DLC1: variants seen among roughly 807,000 people sequenced by gnomAD.
The protein encoded by DLC1 is rho GTPase-activating protein 7.
A neutral mutation model predicts 140.3 loss-of-function variants in DLC1; 54 were observed. That is an observed-to-expected ratio of 0.38 (90% CI 0.31 to 0.48). The LOEUF is 0.48. Ranked by LOEUF, DLC1 falls within the 20% of genes least tolerant of loss-of-function variation. The probability of loss-of-function intolerance (pLI) is 0.96; values close to 1 mark genes in which losing one functional copy is unlikely to be tolerated. For synonymous variants in DLC1, 986 were observed against 728.1 expected (o/e 1.35, Z -5.70); for missense variants, 2,536 against 1,907.0 (o/e 1.33, Z -6.14).
intron 2 of DLC1, among the ~76,000 whole-genome samples, chr8:13,467,632 G>C (rs1800001234): frequency 6.6e-6 from 1 of 152,074 alleles, no homozygotes; most frequent in Non-Finnish European, 1.5e-5. Context: ...TTGGGAGGTT[G>C]AGGTGAGAGG....
intron 5 of DLC1, among the ~76,000 whole-genome samples, chr8:13,163,116 G>A (rs185434988): frequency 2.0e-5 from 3 of 152,248 alleles, no homozygotes; most frequent in Admixed American, 6.5e-5. Context: ...CAGCTTGGTG[G>A]CCCACGATTT....
rs1817781490 is a variant in DLC1 at position 13,088,700 on chromosome 8, C to T, written c.4079G>A (p.Ser1360Asn). Reference protein sequence around the residue: ...EQAELSYKKVSEGPPLRLWRS... With the variant: ...EQAELSYKKVNEGPPLRLWRS... Reference sequence around the variant, plus strand: ...CCAAAGCCTCAGAGGGGGTCCTTCGCTCACCTGGAAAGAGGATGTATTTTT... The same window carrying T: ...CCAAAGCCTCAGAGGGGGTCCTTCGTTCACCTGGAAAGAGGATGTATTTTT... The change falls in exon 16 of 18, where the codon AGC becomes AAC. Residue 1360 changes from serine to asparagine, a missense_variant. Coordinates refer to ENST00000276297, the MANE Select transcript of DLC1 (RefSeq NM_182643.3). 1 of 1,613,858 alleles carries T rather than the reference C, an allele frequency of 6.2e-7. No homozygotes were observed. The highest frequency in any genetic ancestry group is 1.7e-5 in the Admixed American group (1 of 59,986).
intron 2 of DLC1, among the ~76,000 whole-genome samples, chr8:13,472,821 G>C (rs1236146505): frequency 6.6e-6 from 1 of 152,214 alleles, no homozygotes. Context: ...TGCAAGTGCT[G>C]TGTAAGTATA....
intron 2 of DLC1, among the ~76,000 whole-genome samples, chr8:13,487,315 G>A (rs970338628): frequency 1.4e-4 from 22 of 152,010 alleles, no homozygotes; most frequent in Admixed American, 1.4e-3. Context: ...CATAGGTTTG[G>A]GCTATCTACA....
At chr8:13,272,023 A>C (rs1055703092) in intron 5 of DLC1, among the ~76,000 whole-genome samples, 2 of 152,240 alleles carry the variant, frequency 1.3e-5, no homozygotes, top group African/African-American at 4.8e-5. Flanking sequence ...TATCTCAATC[A>C]GGTGGAGGCA....
chr8:13,476,468 G>GTTTTT (rs11412815), intron 2 of DLC1, among the ~76,000 whole-genome samples: 1 of 148,520 alleles, frequency 6.7e-6, no homozygotes, highest in Non-Finnish European at 1.5e-5. Flanking sequence ...ATACAGTGCA[G>GTTTTT]TGTTTTTTTT....
intron 5 of DLC1, among the ~76,000 whole-genome samples, chr8:13,254,030 A>G (rs905627813): frequency 6.6e-6 from 1 of 152,188 alleles, no homozygotes; most frequent in South Asian, 2.1e-4. Flanking sequence ...CCTTGAAGAC[A>G]TAACAGCTTA....
chr8:13,135,568 T>C (rs544288558), intron 5 of DLC1, among the ~76,000 whole-genome samples: 1 of 148,136 alleles, frequency 6.8e-6, no homozygotes, highest in Non-Finnish European at 1.5e-5. Context: ...TATTCAAACT[T>C]AAAAAATAAG....
intron 2 of DLC1, among the ~76,000 whole-genome samples, chr8:13,412,117 A>G (rs974521111): frequency 2.0e-5 from 3 of 152,246 alleles, no homozygotes; most frequent in Non-Finnish European, 4.4e-5. Flanking sequence ...TGAAGCAGTT[A>G]TAAAAAGACA....
chr8:13,446,487 T>G (rs1023882273), intron 2 of DLC1, among the ~76,000 whole-genome samples: 10 of 152,172 alleles, frequency 6.6e-5, no homozygotes, highest in African/African-American at 2.4e-4. Flanking sequence ...GACTAAGTTT[T>G]AAATCATCAT....
At chr8:13,096,183 T>G (rs2128933670) in intron 10 of DLC1, 1 of 152,348 alleles carries the variant, frequency 6.6e-6, no homozygotes, top group East Asian at 1.9e-4. Context: ...TCCCACCATG[T>G]GAGGCTTTTA....
rs573504356 is a variant in DLC1, at chr8:13,596,418, C to G, written c.-126+8119G>C. On this transcript the variant is annotated intron_variant, in intron 1 of 1. Coordinates refer to the DLC1 transcript ENST00000631382. ...TCAAGTGTTTTATTTTAGGTTCTTCCATAGAGGGTCTATGGAACTTTTCCA... is the reference window on the plus strand; with the variant it reads ...TCAAGTGTTTTATTTTAGGTTCTTCGATAGAGGGTCTATGGAACTTTTCCA... Among the ~76,000 whole-genome samples, 216 of 151,978 alleles carry G rather than the reference C, an allele frequency of 1.4e-3. 2 individuals are homozygous for G. The highest frequency in any genetic ancestry group is 5.1e-3 in the African/African-American group (210 of 41,498).
intron 5 of DLC1, among the ~76,000 whole-genome samples, chr8:13,124,104 G>A (rs988320787): frequency 6.6e-6 from 1 of 152,154 alleles, no homozygotes; most frequent in Non-Finnish European, 1.5e-5. Flanking sequence ...ATATACCAAT[G>A]TGACCAATTT....
intron 1 of DLC1, among the ~76,000 whole-genome samples, chr8:13,591,687 C>A (rs530524815): frequency 1.3e-5 from 2 of 151,660 alleles, no homozygotes; most frequent in East Asian, 3.9e-4. Flanking sequence ...TTATTGGTAA[C>A]AGTAAAGTTA....
At chr8:13,528,392 T>C (rs1802986739) in intron 1 of DLC1, among the ~76,000 whole-genome samples, 2 of 152,170 alleles carry the variant, frequency 1.3e-5, no homozygotes, top group South Asian at 4.1e-4. Context: ...TGATTGTAAG[T>C]TGAAGAAAAA....
In DLC1 at chr8:13,570,307, T is replaced by C. The variant is rs1200265851; in HGVS notation, c.-126+34230A>G. ...CCTAAATTCTCTCTTTTTTTTTTTT[T>C]ATTATACTTTAAGTTTTAGGGTACC... is the stretch of plus-strand genomic sequence containing the variant. On this transcript the variant is annotated intron_variant, in intron 1 of 1. Coordinates refer to the DLC1 transcript ENST00000631382. Among the ~76,000 whole-genome samples, 3 of 151,144 alleles carry C rather than the reference T, an allele frequency of 2.0e-5. No homozygotes were observed. In the South Asian group the frequency reaches 6.3e-4, roughly 32 times the overall value.
At position 13,563,695 on chromosome 8, in the gene DLC1, C is replaced by T. The variant is rs114329623; in HGVS notation, c.-126+40842G>A. On this transcript the variant is annotated intron_variant, in intron 1 of 1. Coordinates refer to the DLC1 transcript ENST00000631382. ...AAAAATGTGCATACATTTTGACCCA[C>T]GAATTATGATTTCTGGAATTTATCC... 7.8e-3 allele frequency among the ~76,000 whole-genome samples: 1,187 copies of T among 152,016 alleles called. 15 individuals carry two copies. Among genetic ancestry groups the T allele is most frequent in the African/African-American group, 0.025 (1,055 of 41,442 alleles).
At chr8:13,424,050 C>G (rs150069904) in intron 2 of DLC1, among the ~76,000 whole-genome samples, 2,571 of 152,252 alleles carry the variant, frequency 0.017, 35 homozygotes, top group Non-Finnish European at 0.027. Flanking sequence ...TGTCTTTATT[C>G]TATTTAATGG....
intron 5 of DLC1, among the ~76,000 whole-genome samples, chr8:13,229,090 G>C (rs1453551938): frequency 6.6e-6 from 1 of 152,076 alleles, no homozygotes; most frequent in African/African-American, 2.4e-5. Flanking sequence ...ATATACCCAA[G>C]AGCAACGAAA....
Sources: gnomAD v4.1 joint callset for allele counts (sites outside exome capture counted in the v4.1 genomes callset) on GRCh38, gnomAD v4.1.1 for gene constraint, MANE v1.5 for transcripts, NCBI Gene and HGNC (gene_info 2026-07-23, HGNC 2026-07-21) for gene names.